Variants in TMEM272 observed in about 807,000 individuals in gnomAD.
TMEM272 encodes the protein transmembrane protein 272.
In TMEM272, 8 loss-of-function variants were observed where a neutral mutation model predicts 3.7. The ratio of observed to expected loss-of-function variants is 2.17; its 90% CI spans 1.27 to 3.91. TMEM272 has a LOEUF of 3.91. TMEM272 is among the 30% of genes most tolerant of loss of function. The pLI is 0.00. For synonymous variants in TMEM272, 63 were observed against 39.8 expected, an observed-to-expected ratio of 1.58 and a Z score of -2.20; for missense variants, 166 against 91.5, an observed-to-expected ratio of 1.81 and a Z score of -3.32.
intron 2 of TMEM272, among the ~76,000 whole-genome samples, chr13:51,834,932 AAT>A (rs1446116043): frequency 6.6e-6 from 1 of 152,168 alleles, no homozygotes; most frequent in Non-Finnish European, 1.5e-5. Context: ...CAGGGAAGCA[AAT>A]GTTCTGCAGC....
chr13:51,921,694 A>G, the TMEM272 span: 3 of 152,392 alleles, frequency 2.0e-5, no homozygotes, highest in African/African-American at 7.2e-5. Context: ...CTTCCAGGAC[A>G]TTAACGCAGC....
chr13:51,932,378 C>CGT, the TMEM272 span: 1 of 152,250 alleles, frequency 6.6e-6, no homozygotes, highest in African/African-American at 2.4e-5. Flanking sequence ...GCAAACGATG[C>CGT]GGTAATTTAA....
the TMEM272 span, among the ~76,000 whole-genome samples, chr13:51,852,215 T>C: frequency 2.6e-5 from 4 of 152,264 alleles, no homozygotes; most frequent in African/African-American, 9.6e-5. Context: ...AACAGTTTTC[T>C]TAATCAATTG....
intron 4 of TMEM272, 121 bp from the exon 5 acceptor site, chr13:51,817,234 G>T: frequency 1.7e-6 from 1 of 589,294 alleles, no homozygotes; most frequent in Non-Finnish European, 3.0e-6. Context: ...GAGAGAGGAA[G>T]GTGTTATGAA....
At chr13:51,878,206 G>C in the TMEM272 span, among the ~76,000 whole-genome samples, 1 of 152,154 alleles carries the variant, frequency 6.6e-6, no homozygotes, top group Non-Finnish European at 1.5e-5. Context: ...CGAGGCGGGA[G>C]GATCATGAGG....
chr13:51,875,140 G>A, the TMEM272 span, among the ~76,000 whole-genome samples: 1 of 152,226 alleles, frequency 6.6e-6, no homozygotes, highest in Non-Finnish European at 1.5e-5. Flanking sequence ...TCTGCTTTAA[G>A]CACTGTTCTA....
At chr13:51,888,046 C>CTTT in the TMEM272 span, among the ~76,000 whole-genome samples, 5 of 141,812 alleles carry the variant, frequency 3.5e-5, no homozygotes, top group African/African-American at 1.3e-4. Context: ...TTGACACAAT[C>CTTT]TTTTTTTTTT....
At chr13:51,828,101 G>A (rs913103540) in intron 2 of TMEM272, among the ~76,000 whole-genome samples, 1 of 152,166 alleles carries the variant, frequency 6.6e-6, no homozygotes, top group Non-Finnish European at 1.5e-5. Context: ...GGTCCTCAGA[G>A]ACATTCATCA....
the TMEM272 span, among the ~76,000 whole-genome samples, chr13:51,917,021 C>A: frequency 6.6e-6 from 1 of 152,190 alleles, no homozygotes; most frequent in Non-Finnish European, 1.5e-5. Flanking sequence ...AAGTAAGGCC[C>A]CGTTAACGCT....
chr13:51,816,941 C>T lies in TMEM272; in HGVS notation c.374G>A (p.Trp125Ter), dbSNP rs748050854. 6.9e-4 allele frequency: 488 copies of T among 702,900 alleles called. No homozygotes were observed. Among genetic ancestry groups the T allele is most frequent in the Non-Finnish European group, 1.2e-3 (443 of 385,012 alleles). 43.5% of individuals were successfully genotyped at this position (702,900 alleles called of 1,614,324 possible). The change falls in exon 5 of 5, where the codon TGG becomes TAG. Residue 125 changes from tryptophan (W) to a stop codon, truncating the protein, a stop_gained. Coordinates refer to ENST00000629372, the MANE Select transcript of TMEM272 (RefSeq NM_001351003.2). LOFTEE classifies it low-confidence loss of function (END_TRUNC). ...ATCAGGCAGGTACACAGAAAAGACC[C>T]AGTAGTTTCCCAGGATGAACCAGAG... ...LFLWFILGNYWVFSVYLPDFL... is the reference protein window; with the variant it reads ...LFLWFILGNY
chr13:51,853,495 G>A, the TMEM272 span, among the ~76,000 whole-genome samples: 3 of 152,134 alleles, frequency 2.0e-5, no homozygotes, highest in South Asian at 2.1e-4. Context: ...CATCCTCATC[G>A]TCTTCACATT....
At chr13:51,847,513 ATAC>A (rs1385226376), upstream of TMEM272, among the ~76,000 whole-genome samples, 1 of 152,230 alleles carries the variant, frequency 6.6e-6, no homozygotes, top group East Asian at 1.9e-4. Flanking sequence ...GTAGTAGGCT[ATAC>A]TATGTGAGTT....
At chr13:51,925,172 A>C in the TMEM272 span, among the ~76,000 whole-genome samples, 1 of 152,162 alleles carries the variant, frequency 6.6e-6, no homozygotes, top group South Asian at 2.1e-4. Context: ...CCAAAACTCC[A>C]CTGCCTTCGT....
chr13:51,898,319 G>A, the TMEM272 span, among the ~76,000 whole-genome samples: 1 of 151,944 alleles, frequency 6.6e-6, no homozygotes, highest in African/African-American at 2.4e-5. Flanking sequence ...AACTCCTGGG[G>A]ATTTTTCTCC....
At chr13:51,906,678 G>A in the TMEM272 span, among the ~76,000 whole-genome samples, 2 of 152,158 alleles carry the variant, frequency 1.3e-5, no homozygotes, top group African/African-American at 2.4e-5. Flanking sequence ...CATTCAAACA[G>A]TTTGCAAACA....
chr13:51,843,928 G>C (rs552292580), intron 1 of TMEM272, among the ~76,000 whole-genome samples: 59 of 152,240 alleles, frequency 3.9e-4, no homozygotes, highest in African/African-American at 1.4e-3. Context: ...CTCAACCAGA[G>C]GTGATCTGAT....
intron 4 of TMEM272, among the ~76,000 whole-genome samples, chr13:51,819,491 C>G (rs189126730): frequency 6.6e-6 from 1 of 152,170 alleles, no homozygotes; most frequent in Non-Finnish European, 1.5e-5. Context: ...TACAATGATG[C>G]CAGGAGAAAG....
chr13:51,916,381 T>C, the TMEM272 span, among the ~76,000 whole-genome samples: 2 of 152,184 alleles, frequency 1.3e-5, no homozygotes, highest in African/African-American at 4.8e-5. Context: ...GTATTTTACA[T>C]ATGGGCTGTG....
chr13:51,852,184 A>C, the TMEM272 span, among the ~76,000 whole-genome samples: 1 of 152,222 alleles, frequency 6.6e-6, no homozygotes, highest in Non-Finnish European at 1.5e-5. Context: ...GATTTTTGCC[A>C]GTTTGATCGA....
Sources: gnomAD v4.1 joint callset for allele counts (sites outside exome capture counted in the v4.1 genomes callset) on GRCh38, gnomAD v4.1.1 for gene constraint, MANE v1.5 for transcripts, NCBI Gene and HGNC (gene_info 2026-07-23, HGNC 2026-07-21) for gene names.